Variants in PSD3 observed in about 807,000 individuals in gnomAD.
PSD3 encodes the protein pleckstrin and Sec7 domain containing 3, also known as PH and SEC7 domain-containing protein 3.
PSD3 carries 49 observed loss-of-function variants against 105.5 expected under a neutral mutation model. The observed-to-expected ratio is 0.46, with a 90% CI of 0.37 to 0.59. The LOEUF (loss-of-function observed/expected upper bound fraction) is 0.59, where lower values mean the gene tolerates loss of function less well. PSD3 is among the 20% of genes least tolerant of loss of function. The pLI is 0.00. For missense variants in PSD3, 1,561 were observed against 1,263.8 expected (o/e 1.24, Z -3.57); for synonymous variants, 557 against 457.8 (o/e 1.22, Z -2.77).
chr8:19,082,956 C>A (rs976614653), intron 1 of PSD3, among the ~76,000 whole-genome samples: 4 of 152,192 alleles, frequency 2.6e-5, no homozygotes, highest in Non-Finnish European at 4.4e-5. Context: ...TACGCAGGCC[C>A]TTGTTAAAAA....
At chr8:18,719,333 T>G (rs930614914) in intron 9 of PSD3, among the ~76,000 whole-genome samples, 1 of 152,240 alleles carries the variant, frequency 6.6e-6, no homozygotes, top group Non-Finnish European at 1.5e-5. Flanking sequence ...GTTTATGGCT[T>G]GTACAAACTA....
At chr8:18,968,281 T>A (rs908503711) in intron 1 of PSD3, among the ~76,000 whole-genome samples, 1 of 152,218 alleles carries the variant, frequency 6.6e-6, no homozygotes, top group Non-Finnish European at 1.5e-5. Context: ...CTCATCAGGA[T>A]TCTCTGACAC....
intron 2 of PSD3, among the ~76,000 whole-genome samples, chr8:18,916,241 C>G (rs1322063213): frequency 7.0e-6 from 1 of 143,622 alleles, no homozygotes; most frequent in Non-Finnish European, 1.5e-5. Context: ...TCACAAGAGC[C>G]AAGATATGAA....
chr8:18,576,390 T>C (rs950814475), intron 12 of PSD3, among the ~76,000 whole-genome samples: 9 of 152,112 alleles, frequency 5.9e-5, no homozygotes, highest in African/African-American at 2.2e-4. Flanking sequence ...GGATAAGAAG[T>C]GCTATTGACA....
intron 1 of PSD3, among the ~76,000 whole-genome samples, chr8:19,004,577 A>C (rs140367720): frequency 2.6e-5 from 4 of 152,056 alleles, no homozygotes; most frequent in Admixed American, 2.6e-4. Flanking sequence ...ACAATGCTTA[A>C]AATGTAAGAG....
At chr8:18,683,310 A>G (rs1455312055) in intron 9 of PSD3, among the ~76,000 whole-genome samples, 6 of 152,202 alleles carry the variant, frequency 3.9e-5, no homozygotes, top group African/African-American at 1.4e-4. Context: ...ACCAGGTCAT[A>G]CTTGTACATC....
At chr8:18,681,410 C>T (rs1585603105) in intron 9 of PSD3, among the ~76,000 whole-genome samples, 1 of 129,690 alleles carries the variant, frequency 7.7e-6, no homozygotes, top group Non-Finnish European at 1.6e-5. Flanking sequence ...AGTTGGAGAC[C>T]AACCTGGGCA....
chr8:18,709,749 C>A (rs1167939674), intron 9 of PSD3, among the ~76,000 whole-genome samples: 1 of 152,082 alleles, frequency 6.6e-6, no homozygotes, highest in Non-Finnish European at 1.5e-5. Context: ...CCACAGCAGC[C>A]CTATGGAAGA....
At chr8:19,036,804 T>A (rs898460497) in intron 1 of PSD3, among the ~76,000 whole-genome samples, 29 of 152,214 alleles carry the variant, frequency 1.9e-4, no homozygotes, top group African/African-American at 6.5e-4. Context: ...GTGGTGGTAA[T>A]GAATCAGACC....
intron 2 of PSD3, among the ~76,000 whole-genome samples, chr8:18,903,748 G>C (rs1819661696): frequency 6.6e-6 from 1 of 152,142 alleles, no homozygotes; most frequent in African/African-American, 2.4e-5. Context: ...AGTTTCCCTA[G>C]GATGCAGGCT....
intron 2 of PSD3, among the ~76,000 whole-genome samples, chr8:18,879,051 A>AAAACAC: frequency 7.2e-6 from 1 of 138,672 alleles, no homozygotes. Flanking sequence ...CACACACACA[A>AAAACAC]ACACACACAC....
intron 1 of PSD3, among the ~76,000 whole-genome samples, chr8:19,034,585 G>A (rs1476184660): frequency 1.3e-5 from 2 of 152,182 alleles, no homozygotes; most frequent in Admixed American, 6.5e-5. Flanking sequence ...GGTACCAGGT[G>A]AAGGCCTCAG....
At chr8:18,974,470 A>T (rs1221803389) in intron 1 of PSD3, among the ~76,000 whole-genome samples, 1 of 152,200 alleles carries the variant, frequency 6.6e-6, no homozygotes, top group East Asian at 1.9e-4. Context: ...AAAAAGACGC[A>T]AGGAGAGCAA....
intron 9 of PSD3, among the ~76,000 whole-genome samples, chr8:18,723,749 A>T (rs1803158216): frequency 1.3e-5 from 2 of 152,258 alleles, no homozygotes; most frequent in Non-Finnish European, 2.9e-5. Context: ...ATAAACTATC[A>T]TATGAAAGCC....
chr8:18,993,181 C>G (rs962272777), intron 1 of PSD3, among the ~76,000 whole-genome samples: 1 of 152,116 alleles, frequency 6.6e-6, no homozygotes, highest in African/African-American at 2.4e-5. Flanking sequence ...GAGTGTACTC[C>G]TTTTGCCAGA....
intron 4 of PSD3, among the ~76,000 whole-genome samples, chr8:18,817,993 G>T (rs557230983): frequency 3.3e-5 from 5 of 152,176 alleles, no homozygotes; most frequent in Admixed American, 6.5e-5. Flanking sequence ...TCACTCTGTC[G>T]CCCAGGCTGG....
At position 18,867,815 on chromosome 8, in the gene PSD3, C is replaced by T; in HGVS notation, c.1493G>A (p.Gly498Glu). ...ACTCAGGATATCCTGATGTCCTCCC[C>T]CTGATGTCCTCTCCAAGAACTGACC... ...EGGQFLERTS[G>E]GGHQDILSVS... Residue 498 changes from glycine (G) to glutamate (E), a missense_variant, in exon 4 of 16, where the codon GGG (glycine) becomes GAG (glutamate). Transcript: ENST00000327040. The T allele has an allele frequency of 1.2e-6, 2 of 1,614,150 alleles. No homozygotes were observed. Among genetic ancestry groups the T allele is most frequent in the Non-Finnish European group, 1.7e-6 (2 of 1,180,034 alleles).
chr8:18,640,113 C>T (rs936184818), intron 10 of PSD3, among the ~76,000 whole-genome samples: 3 of 152,144 alleles, frequency 2.0e-5, no homozygotes, highest in African/African-American at 7.2e-5. Flanking sequence ...GTCGTGAATC[C>T]ATTCTAGTTC....
intron 9 of PSD3, among the ~76,000 whole-genome samples, chr8:18,738,302 A>C (rs1411758016): frequency 6.6e-6 from 1 of 152,128 alleles, no homozygotes; most frequent in Non-Finnish European, 1.5e-5. Flanking sequence ...ACCCACACTA[A>C]TTAGGGCCTT....
Sources: allele counts gnomAD v4.1 joint callset (sites outside exome capture counted in the v4.1 genomes callset), GRCh38; gene constraint gnomAD v4.1.1; transcripts MANE v1.5; gene names NCBI Gene and HGNC (gene_info 2026-07-23, HGNC 2026-07-21).